Variants in TACR1 observed in about 807,000 individuals in gnomAD.
TACR1 encodes substance-P receptor.
In TACR1, 25 loss-of-function variants were observed where a neutral mutation model predicts 35.8. The ratio of observed to expected loss-of-function variants is 0.70; its 90% CI spans 0.51 to 0.98. The LOEUF is 0.98. TACR1 is among the 50% of genes least tolerant of loss of function. The pLI is 0.00. For synonymous variants in TACR1, 195 were observed against 206.7 expected, an observed-to-expected ratio of 0.94 and a Z score of 0.48; for missense variants, 478 against 522.9, an observed-to-expected ratio of 0.91 and a Z score of 0.84.
chr2:75,120,506 A>G (rs956571600), intron 2 of TACR1, 68 bp downstream of exon 2: 1 of 1,405,282 alleles, frequency 7.1e-7, no homozygotes, highest in Non-Finnish European at 9.7e-7. Context: ...AGAAAGAAAG[A>G]GCAAGAAGGG....
At chr2:75,156,808 CCT>C (rs1674870834) in intron 1 of TACR1, among the ~76,000 whole-genome samples, 1 of 152,102 alleles carries the variant, frequency 6.6e-6, no homozygotes, top group Non-Finnish European at 1.5e-5. Flanking sequence ...TTTACCAACC[CCT>C]GTTTCAATCT....
rs200689667 is a variant in TACR1 at position 75,105,913 on chromosome 2, GGAGCCTAAAGA to G, written c.584+14650_584+14660del. 9.7e-3 allele frequency among the ~76,000 whole-genome samples: 1,481 copies of G among 152,052 alleles called. 24 individuals carry two copies. The highest frequency in any genetic ancestry group is 0.033 in the African/African-American group (1,379 of 41,522). ...GTCTGAGAAACTGTCACAACCAAGA[GGAGCCTAAAGA>G]GACATGAATGTAATGTGGCGTCCCG... On this transcript the variant is annotated intron_variant, in intron 2 of 4. Coordinates refer to ENST00000305249, the MANE Select transcript of TACR1 (RefSeq NM_001058.4).
intron 1 of TACR1, among the ~76,000 whole-genome samples, chr2:75,169,686 T>C (rs2104013553): frequency 6.6e-6 from 1 of 152,338 alleles, no homozygotes; most frequent in East Asian, 1.9e-4. Flanking sequence ...TTTGAATATG[T>C]GAGCCCATTT....
At chr2:75,085,853 A>T (rs766299604) in intron 2 of TACR1, among the ~76,000 whole-genome samples, 2 of 152,022 alleles carry the variant, frequency 1.3e-5, no homozygotes, top group Non-Finnish European at 2.9e-5. Flanking sequence ...CATTCCATAA[A>T]CTCATTCTCT....
At chr2:75,093,176 A>G (rs1490048669) in intron 2 of TACR1, among the ~76,000 whole-genome samples, 1 of 152,174 alleles carries the variant, frequency 6.6e-6, no homozygotes, top group African/African-American at 2.4e-5. Flanking sequence ...AACAGCCTAC[A>G]CATGTTTAAT....
chr2:75,156,519 T>C (rs1396939816), intron 1 of TACR1, among the ~76,000 whole-genome samples: 2 of 145,720 alleles, frequency 1.4e-5, no homozygotes, highest in Non-Finnish European at 1.5e-5. Context: ...AGGAGAATGG[T>C]GTGAACCTGG....
chr2:75,079,110 C>T (rs973477950), intron 2 of TACR1, among the ~76,000 whole-genome samples: 2 of 152,114 alleles, frequency 1.3e-5, no homozygotes, highest in Admixed American at 6.6e-5. Context: ...CCTGAAGTTG[C>T]CTTTATATAG....
In TACR1 at chr2:75,048,443, C is replaced by G. The variant is rs746987185; in HGVS notation, c.*989G>C. On this transcript the variant is annotated 3_prime_UTR_variant, in exon 5 of 5. Transcript: ENST00000305249. ...AACCTTCCATGAGAAGGAATGTACT[C>G]AGGATTTTAAGATAAATCGGAGAAT... The G allele has an allele frequency of 2.0e-5, 3 of 152,206 alleles. No homozygotes were observed. The highest frequency in any genetic ancestry group is 4.4e-5 in the Non-Finnish European group (3 of 68,046). 9.4% of individuals were successfully genotyped at this position (152,206 alleles called of 1,614,324 possible). A position where few individuals can be genotyped will look rare whatever the true frequency, so the allele number is the denominator to read the frequency against.
intron 2 of TACR1, among the ~76,000 whole-genome samples, chr2:75,084,218 C>T (rs867744688): frequency 6.6e-6 from 1 of 152,130 alleles, no homozygotes; most frequent in Non-Finnish European, 1.5e-5. Flanking sequence ...TGTTTATATG[C>T]TGGATTACAT....
At chr2:75,106,504 A>G (rs1407175768) in intron 2 of TACR1, among the ~76,000 whole-genome samples, 1 of 152,024 alleles carries the variant, frequency 6.6e-6, no homozygotes, top group Non-Finnish European at 1.5e-5. Flanking sequence ...TTGTTACTAC[A>G]CTTTGAGAAT....
At chr2:75,196,565 G>C (rs1198532112) in intron 1 of TACR1, among the ~76,000 whole-genome samples, 1 of 152,102 alleles carries the variant, frequency 6.6e-6, no homozygotes, top group African/African-American at 2.4e-5. Flanking sequence ...ACAGAGGGTC[G>C]GGGCTCTGCG....
chr2:75,191,193 C>T (rs1270664432), intron 1 of TACR1, among the ~76,000 whole-genome samples: 2 of 152,166 alleles, frequency 1.3e-5, no homozygotes, highest in African/African-American at 2.4e-5. Flanking sequence ...GTCTCACATA[C>T]GTGGGACTTC....
intron 1 of TACR1, chr2:75,154,576 G>C (rs1001212144): frequency 6.6e-6 from 1 of 151,244 alleles, no homozygotes; most frequent in Non-Finnish European, 1.5e-5. Flanking sequence ...GCACAGGTGA[G>C]TGAGAAATTA....
intron 4 of TACR1, among the ~76,000 whole-genome samples, chr2:75,050,879 A>G (rs1558536129): frequency 6.6e-6 from 1 of 152,222 alleles, no homozygotes; most frequent in Non-Finnish European, 1.5e-5. Flanking sequence ...TCCATAGAGC[A>G]GAGTGAATAA....
At chr2:75,097,013 C>T (rs1673436504) in intron 2 of TACR1, among the ~76,000 whole-genome samples, 1 of 152,184 alleles carries the variant, frequency 6.6e-6, no homozygotes, top group African/African-American at 2.4e-5. Flanking sequence ...GTTCAAGTCT[C>T]TTGTATCCTG....
chr2:75,155,346 T>G (rs1660310228), intron 1 of TACR1, among the ~76,000 whole-genome samples: 1 of 152,192 alleles, frequency 6.6e-6, no homozygotes, highest in African/African-American at 2.4e-5. Context: ...GTGAGCAACC[T>G]TGGCTCATCT....
chr2:75,101,518 G>A (rs1045070909), intron 2 of TACR1, among the ~76,000 whole-genome samples: 3 of 152,116 alleles, frequency 2.0e-5, no homozygotes, highest in Non-Finnish European at 4.4e-5. Context: ...AAAGTAACTT[G>A]CCAAAGTCAC....
chr2:75,050,456 G>A (rs989262468), intron 4 of TACR1, among the ~76,000 whole-genome samples: 2 of 152,226 alleles, frequency 1.3e-5, no homozygotes, highest in African/African-American at 2.4e-5. Context: ...TTCCTCTCCC[G>A]CCTCCTTCCC....
At chr2:75,094,838 C>CATATATATATATATATATATATAT (rs770472061) in intron 2 of TACR1, among the ~76,000 whole-genome samples, 15 of 119,870 alleles carry the variant, frequency 1.3e-4, no homozygotes, top group African/African-American at 5.1e-4. Flanking sequence ...GAAGCAGAAA[C>CATATATATATATATATATATATAT]ATATATATAT....
Sources: gnomAD v4.1 joint callset for allele counts (sites outside exome capture counted in the v4.1 genomes callset) on GRCh38, gnomAD v4.1.1 for gene constraint, MANE v1.5 for transcripts, NCBI Gene and HGNC (gene_info 2026-07-23, HGNC 2026-07-21) for gene names.